The following SEL1L2 variants were observed in gnomAD, a reference collection of about 807,000 sequenced individuals.
SEL1L2 encodes SEL1L2 adaptor subunit of SYVN1 ubiquitin ligase.
SEL1L2 carries 89 observed loss-of-function variants against 98.8 expected under a neutral mutation model. The ratio of observed to expected loss-of-function variants is 0.90; its 90% CI spans 0.76 to 1.07. The LOEUF is 1.07. SEL1L2 is among the 50% of genes least tolerant of loss of function. SEL1L2 has a pLI of 0.00. For synonymous variants in SEL1L2, 262 were observed against 278.5 expected (o/e 0.94, Z 0.59); for missense variants, 788 against 812.0 (o/e 0.97, Z 0.36).
chr20:13,931,644 C>A lies in SEL1L2; in HGVS notation c.242G>T (p.Gly81Val). 1 of 1,470,314 alleles carries A rather than the reference C, an allele frequency of 6.8e-7. No individual in the cohort carries two copies. Among genetic ancestry groups the A allele is most frequent in the Non-Finnish European group, 9.3e-7 (1 of 1,078,130 alleles). 91.1% of individuals were successfully genotyped at this position (1,470,314 alleles called of 1,614,324 possible). ...CTTCAAGATATCTTTATTTTGAATT[C>A]CTTTTATTCTTATTTTACGTTGATT... ...KKNQRKIRIK[G>V]IQNKDILKRN... The change falls in exon 3 of 20, where the codon GGA becomes GTA. Residue 81 changes from glycine to valine, a missense_variant. Physicochemically the swap from Gly to Val is moderately radical, Grantham distance 109. Coordinates refer to ENST00000284951, the MANE Select transcript of SEL1L2 (RefSeq NM_025229.2).
Position 13,859,318 on chromosome 20 carries a change from C to A in SEL1L2, c.1762G>T (p.Ala588Ser). Reference protein sequence around the residue: ...YSIAANKYHNAQAMFNLAYMY... With the variant: ...YSIAANKYHNSQAMFNLAYMY... Reference sequence around the variant, plus strand: ...TAAGCCAGATTGAACATGGCTTGCGCGTTGTGGTATTTGTTGGCTGCAATG... The same window carrying A: ...TAAGCCAGATTGAACATGGCTTGCGAGTTGTGGTATTTGTTGGCTGCAATG... Residue 588 changes from alanine to serine, a missense_variant, in exon 18 of 20, where the codon GCG becomes TCG. Physicochemically the swap from Ala to Ser is moderately conservative, Grantham distance 99 (BLOSUM62 1). Coordinates refer to ENST00000284951, the MANE Select transcript of SEL1L2 (RefSeq NM_025229.2). 1.2e-6 allele frequency: 2 copies of A among 1,614,114 alleles called. No individual in the cohort carries two copies. The highest frequency in any genetic ancestry group is 1.7e-6 in the Non-Finnish European group (2 of 1,180,016).
At chr20:13,881,668 C>G (rs567001200) in intron 10 of SEL1L2, among the ~76,000 whole-genome samples, 43 of 152,146 alleles carry the variant, frequency 2.8e-4, no homozygotes, top group Non-Finnish European at 6.0e-4. Context: ...TCTGTGATGA[C>G]AACTCATGAG....
chr20:13,857,526 G>A (rs1348002692), intron 18 of SEL1L2, among the ~76,000 whole-genome samples: 4 of 152,208 alleles, frequency 2.6e-5, no homozygotes, highest in Non-Finnish European at 5.9e-5. Flanking sequence ...TCTGTGTCCT[G>A]AGAGGACACC....
At chr20:13,920,036 C>T (rs146208701) in intron 3 of SEL1L2, among the ~76,000 whole-genome samples, 2,149 of 152,024 alleles carry the variant, frequency 0.014, 51 homozygotes, top group African/African-American at 0.049. Flanking sequence ...TGAGACTAGC[C>T]TGGCCAACAT....
At chr20:13,861,858 G>A (rs1990192942) in intron 17 of SEL1L2, among the ~76,000 whole-genome samples, 1 of 152,102 alleles carries the variant, frequency 6.6e-6, no homozygotes, top group Admixed American at 6.6e-5. Flanking sequence ...CTCTTCCCGT[G>A]GCTGGCTTCT....
At chr20:13,983,289 T>C (rs948538219) in intron 1 of SEL1L2, among the ~76,000 whole-genome samples, 1 of 151,856 alleles carries the variant, frequency 6.6e-6, no homozygotes, top group Non-Finnish European at 1.5e-5. Flanking sequence ...TCCCCCTCAA[T>C]AATTTTATAT....
At chr20:13,913,739 C>T (rs1331571372) in intron 5 of SEL1L2, 43 bp downstream of exon 5, 1 of 1,455,816 alleles carries the variant, frequency 6.9e-7, no homozygotes, top group East Asian at 2.6e-5. Flanking sequence ...ATAGTTATTT[C>T]AGGATGGAGC....
At position 13,886,200 on chromosome 20, in the gene SEL1L2, G is replaced by T. The variant is rs1398449224; in HGVS notation, c.900+88C>A. 4.4e-6 allele frequency: 4 copies of T among 905,046 alleles called. No homozygotes were observed. In the Admixed American group the frequency reaches 8.0e-5, roughly 18 times the overall value. 56.1% of individuals were successfully genotyped at this position (905,046 alleles called of 1,614,324 possible). On this transcript the variant is annotated intron_variant, in intron 9 of 19. Transcript: ENST00000284951. Reference sequence around the variant, plus strand: ...TCCCCCCATTCCTATTTAGGATGGGGCATTGTTCATCCCTCCAGGACTCAG... The same window carrying T: ...TCCCCCCATTCCTATTTAGGATGGGTCATTGTTCATCCCTCCAGGACTCAG...
chr20:13,858,084 GC>G (rs1319934664), intron 18 of SEL1L2, among the ~76,000 whole-genome samples: 1 of 152,140 alleles, frequency 6.6e-6, no homozygotes, highest in African/African-American at 2.4e-5. Flanking sequence ...TGCTTAGGGT[GC>G]CAGGGCTAAT....
At chr20:13,961,116 G>A (rs1012983470) in intron 1 of SEL1L2, among the ~76,000 whole-genome samples, 21 of 152,126 alleles carry the variant, frequency 1.4e-4, no homozygotes, top group African/African-American at 5.1e-4. Context: ...CTCACCAAGT[G>A]AGAATAAGTC....
At chr20:13,947,428 G>A (rs2050065872) in intron 2 of SEL1L2, among the ~76,000 whole-genome samples, 1 of 152,130 alleles carries the variant, frequency 6.6e-6, no homozygotes, top group Non-Finnish European at 1.5e-5. Flanking sequence ...AGGACCACCT[G>A]CCTGCGGAAA....
At chr20:13,971,614 T>C (rs2051287349) in intron 1 of SEL1L2, among the ~76,000 whole-genome samples, 1 of 151,864 alleles carries the variant, frequency 6.6e-6, no homozygotes, top group African/African-American at 2.4e-5. Flanking sequence ...TTTGTATTTT[T>C]AGTAGAGATG....
At position 13,907,553 on chromosome 20, in the gene SEL1L2, A is replaced by C. The variant is rs1250320614; in HGVS notation, c.549+6229T>G. ...CCCTGCACTCTAGCCTGGGCAATGG[A>C]GCAAGATCCTATCTCAGAAATAAAT... On this transcript the variant is annotated intron_variant, in intron 5 of 19. Transcript: ENST00000284951. 4.6e-5 allele frequency among the ~76,000 whole-genome samples: 7 copies of C among 152,130 alleles called. 1 individual carries two copies. Among genetic ancestry groups the C allele is most frequent in the Admixed American group, 3.3e-4 (5 of 15,260 alleles).
chr20:13,875,515 C>A (rs758864860), intron 12 of SEL1L2, among the ~76,000 whole-genome samples: 1 of 152,212 alleles, frequency 6.6e-6, no homozygotes, highest in Non-Finnish European at 1.5e-5. Context: ...GCCATTCAAG[C>A]CAGGGATTCT....
Position 13,849,681 on chromosome 20 carries a change from C to T in SEL1L2, c.1948-77G>A. 9 of 1,533,648 alleles carry T rather than the reference C, an allele frequency of 5.9e-6. No homozygotes were observed. In the South Asian group the frequency reaches 1.1e-4, roughly 19 times the overall value. ...TCAGAGCCACCATCTCTTCCCAAAC[C>T]CACCACCACCAACCCTCCTCCCACC... On this transcript the variant is annotated intron_variant, in intron 19 of 19. Coordinates refer to ENST00000284951, the MANE Select transcript of SEL1L2 (RefSeq NM_025229.2).
chr20:13,968,334 A>T (rs1237409447), intron 1 of SEL1L2, among the ~76,000 whole-genome samples: 2 of 152,248 alleles, frequency 1.3e-5, no homozygotes, highest in East Asian at 3.8e-4. Context: ...CTTAACAGCA[A>T]CCTTGAAGGA....
rs747948529 is a variant in SEL1L2, at chr20:13,929,487, CTTTTTTTTTTTT to C, written c.283+2104_283+2115del. Among the ~76,000 whole-genome samples, 233 of 73,318 alleles carry C rather than the reference CTTTTTTTTTTTT, an allele frequency of 3.2e-3. 2 individuals carry two copies. Among genetic ancestry groups the C allele is most frequent in the African/African-American group, 0.012 (208 of 17,968 alleles). 48.1% of individuals were successfully genotyped at this position (73,318 alleles called of 152,430 possible). A position where few individuals can be genotyped will look rare whatever the true frequency, so the allele number is the denominator to read the frequency against. ...TTGGATATCCTCTAATTGCCTTTGC[CTTTTTTTTTTTT>C]TTTTTTTTTTTTTTGAGACGGAGTC... On this transcript the variant is annotated intron_variant, in intron 3 of 19. Coordinates refer to ENST00000284951, the MANE Select transcript of SEL1L2 (RefSeq NM_025229.2).
intron 10 of SEL1L2, among the ~76,000 whole-genome samples, chr20:13,878,044 C>T (rs978670622): frequency 1.3e-5 from 2 of 152,246 alleles, no homozygotes; most frequent in Non-Finnish European, 2.9e-5. Context: ...CACACTTGGC[C>T]GGCTGCTGAG....
At chr20:13,880,903 T>A (rs916839918) in intron 10 of SEL1L2, among the ~76,000 whole-genome samples, 1 of 152,178 alleles carries the variant, frequency 6.6e-6, no homozygotes, top group African/African-American at 2.4e-5. Context: ...TTTTAAAAAA[T>A]GATCATGATT....
Sources: gnomAD v4.1 joint callset for allele counts (sites outside exome capture counted in the v4.1 genomes callset) on GRCh38, gnomAD v4.1.1 for gene constraint, MANE v1.5 for transcripts, NCBI Gene and HGNC (gene_info 2026-07-23, HGNC 2026-07-21) for gene names.